C20orf203: variants seen among roughly 807,000 people sequenced by gnomAD.
C20orf203 encodes chromosome 20 open reading frame 203.
C20orf203 carries 16 observed loss-of-function variants against 15.9 expected under a neutral mutation model. The ratio of observed to expected loss-of-function variants is 1.01; its 90% CI spans 0.68 to 1.53. The LOEUF (loss-of-function observed/expected upper bound fraction) is 1.53, where lower values mean the gene tolerates loss of function less well. C20orf203 is among the 40% of genes most tolerant of loss of function. The probability of loss-of-function intolerance (pLI) is 0.00; values close to 1 mark genes in which losing one functional copy is unlikely to be tolerated. For missense variants in C20orf203, 263 were observed against 247.5 expected, an observed-to-expected ratio of 1.06 and a Z score of -0.42; for synonymous variants, 98 against 97.2, an observed-to-expected ratio of 1.01 and a Z score of -0.05.
intron 4 of C20orf203, among the ~76,000 whole-genome samples, chr20:32,646,630 GGA>G (rs1982441407): frequency 2.0e-5 from 3 of 152,220 alleles, no homozygotes; most frequent in African/African-American, 7.2e-5. Flanking sequence ...GGAAACACAA[GGA>G]ATAGGCCCCA....
At chr20:32,636,470 G>T (rs1223433723) in intron 5 of C20orf203, among the ~76,000 whole-genome samples, 1 of 152,138 alleles carries the variant, frequency 6.6e-6, no homozygotes, top group Non-Finnish European at 1.5e-5. Context: ...GGATAACCTT[G>T]CACAGCAAAG....
At chr20:32,634,640 AG>A (rs1241322202) in intron 5 of C20orf203, among the ~76,000 whole-genome samples, 5 of 152,178 alleles carry the variant, frequency 3.3e-5, no homozygotes, top group Non-Finnish European at 7.4e-5. Context: ...AGCCACGAGA[AG>A]GGGCCACACT....
At chr20:32,640,145 C>A (rs1982241815) in intron 5 of C20orf203, among the ~76,000 whole-genome samples, 1 of 152,272 alleles carries the variant, frequency 6.6e-6, no homozygotes, top group Admixed American at 6.5e-5. Flanking sequence ...AAATGAAAAG[C>A]AGTCCATAGG....
rs573055511 is a variant in C20orf203 at position 32,655,027 on chromosome 20, G to A, written c.-263-3046C>T. ...ATAAACCCTCACATTTGGTTCAGCC[G>A]CAAGAGCCGAACATATTTAATGGTG... On this transcript the variant is annotated intron_variant, in intron 1 of 5. Transcript: ENST00000608990. Among the ~76,000 whole-genome samples, 23 of 152,270 alleles carry A rather than the reference G, an allele frequency of 1.5e-4. No individual in the cohort carries two copies. In the South Asian group the frequency reaches 3.5e-3, roughly 23 times the overall value.
Position 32,650,599 on chromosome 20 carries a change from G to A in C20orf203, c.418C>T (p.Pro140Ser), listed in dbSNP as rs1374562736. 6.5e-7 allele frequency: 1 copy of A among 1,548,010 alleles called. No homozygotes were observed. Among genetic ancestry groups the A allele is most frequent in the East Asian group, 2.4e-5 (1 of 40,894 alleles). ...AAGTCCCCCACCGTGCCCATTCTGG[G>A]CATCCCTCCCATTGCCCTCCCCCGC... ...AGRGRAMGGM[P>S]RMGTVGDFGQ... Residue 140 changes from proline (P) to serine (S), a missense_variant, in exon 4 of 6, where the codon CCC (proline) becomes TCC (serine). Coordinates refer to ENST00000608990, the MANE Select transcript of C20orf203 (RefSeq NM_182584.4).
chr20:32,644,951 T>C (rs986047558), intron 4 of C20orf203, among the ~76,000 whole-genome samples: 10 of 151,772 alleles, frequency 6.6e-5, no homozygotes, highest in African/African-American at 2.4e-4. Context: ...AGGGCTAGGA[T>C]TCAAGCTCCA....
chr20:32,640,718 A>T lies in C20orf203; in HGVS notation c.*1178-31T>A, dbSNP rs372030618. 2.6e-5 allele frequency: 4 copies of T among 152,104 alleles called. No individual in the cohort carries two copies. The East Asian group carries it at 7.7e-4, about 29-fold the overall frequency. The allele number at this position is 152,104 out of a possible 1,614,324, so 9.4% of individuals were successfully genotyped here. A position where few individuals can be genotyped will look rare whatever the true frequency, so the allele number is the denominator to read the frequency against. ...TCAAAACAAAAAACAAACAAACAAA[A>T]AAAACAAAAACAACAAACTTTAGAG... On this transcript the variant is annotated intron_variant, in intron 4 of 5. Transcript: ENST00000608990.
chr20:32,672,206 G>A (rs1348770622), intron 1 of C20orf203, among the ~76,000 whole-genome samples: 1 of 151,824 alleles, frequency 6.6e-6, no homozygotes, highest in African/African-American at 2.4e-5. Context: ...AGCTATTACA[G>A]TAGCTAGCTG....
Position 32,633,897 on chromosome 20 carries a change from C to T in C20orf203, c.*1673G>A. Reference sequence around the variant, plus strand: ...TGGGGCCCCTGCTCTGAACCTTCCACCCCGTCCGCCTGGACTGGATGCTTC... The same window carrying T: ...TGGGGCCCCTGCTCTGAACCTTCCATCCCGTCCGCCTGGACTGGATGCTTC... On this transcript the variant is annotated 3_prime_UTR_variant, in exon 6 of 6. Coordinates refer to ENST00000608990, the MANE Select transcript of C20orf203 (RefSeq NM_182584.4). The T allele has an allele frequency of 1.3e-5, 5 of 397,378 alleles. No individual in the cohort carries two copies. Among genetic ancestry groups the T allele is most frequent in the Non-Finnish European group, 1.8e-5 (4 of 225,776 alleles). The allele number at this position is 397,378 out of a possible 1,614,324, so 24.6% of individuals were successfully genotyped here. A position where few individuals can be genotyped will look rare whatever the true frequency, so the allele number is the denominator to read the frequency against.
rs11313159 is a variant in C20orf203, at chr20:32,651,168, TAAAAA to T, written c.-14-7_-14-3del. 1,004 of 295,606 alleles carry T rather than the reference TAAAAA, an allele frequency of 3.4e-3. No homozygotes were observed. Among genetic ancestry groups the T allele is most frequent in the South Asian group, 4.6e-3 (32 of 6,922 alleles). 18.3% of individuals were successfully genotyped at this position (295,606 alleles called of 1,614,324 possible). ...TAGGAAACATAGGAGACCCTCTCTC[TAAAAA>T]AAAAAAAAAAAAAAAAAAAATTAGC... On this transcript the variant is annotated splice_polypyrimidine_tract_variant and splice_region_variant and intron_variant, in intron 2 of 5. Coordinates refer to ENST00000608990, the MANE Select transcript of C20orf203 (RefSeq NM_182584.4).
intron 1 of C20orf203, among the ~76,000 whole-genome samples, chr20:32,658,860 A>C (rs6141772): frequency 0.12 from 18,110 of 150,020 alleles, 1,467 homozygotes; most frequent in East Asian, 0.29. Context: ...GCGGCTTCCC[A>C]GAGACTCAGA....
intron 4 of C20orf203, among the ~76,000 whole-genome samples, chr20:32,648,607 A>ATGTTTTGT (rs58582539): frequency 2.4e-5 from 3 of 125,900 alleles, no homozygotes; most frequent in African/African-American, 2.9e-5. Flanking sequence ...AATCTGGCTA[A>ATGTTTTGT]TTTTTTTTTT....
chr20:32,638,822 G>C (rs188312489), intron 5 of C20orf203, among the ~76,000 whole-genome samples: 107 of 152,172 alleles, frequency 7.0e-4, no homozygotes, highest in Admixed American at 2.4e-3. Context: ...AAGCAGAAAG[G>C]GGGGGCGGGC....
At chr20:32,659,786 C>G (rs1157189896) in intron 1 of C20orf203, among the ~76,000 whole-genome samples, 1 of 152,276 alleles carries the variant, frequency 6.6e-6, no homozygotes, top group Non-Finnish European at 1.5e-5. Context: ...GCTGCCATAC[C>G]AGGCAGCCTC....
chr20:32,651,347 CA>C (rs35552612), intron 2 of C20orf203, among the ~76,000 whole-genome samples, 181 bp from the exon 3 acceptor site: 42 of 143,250 alleles, frequency 2.9e-4, no homozygotes, highest in Admixed American at 3.5e-4. Flanking sequence ...AAACCCTATT[CA>C]AAAAAAAAAA....
chr20:32,663,314 T>C (rs1600940054), intron 1 of C20orf203, among the ~76,000 whole-genome samples: 1 of 140,798 alleles, frequency 7.1e-6, no homozygotes, highest in South Asian at 2.2e-4. Context: ...AGAGTCAAAA[T>C]AAGAGAATGA....
At position 32,650,626 on chromosome 20, in the gene C20orf203, C is replaced by T. The variant is rs1982586998; in HGVS notation, c.391G>A (p.Gly131Arg). 1.3e-6 allele frequency: 2 copies of T among 1,547,124 alleles called. No homozygotes were observed. Among genetic ancestry groups the T allele is most frequent in the Non-Finnish European group, 1.7e-6 (2 of 1,144,132 alleles). ...EVGRGLRAPA[G>R]RGRAMGGMPR... ...ATCCCTCCCATTGCCCTCCCCCGCC[C>T]AGCAGGGGCCCGCAGCCCCCTCCCC... Residue 131 changes from glycine to arginine, a missense_variant, in exon 4 of 6, where the codon GGG becomes AGG. Physicochemically the swap from Gly to Arg is moderately radical, Grantham distance 125. Transcript: ENST00000608990.
intron 5 of C20orf203, among the ~76,000 whole-genome samples, chr20:32,636,472 A>C (rs530346824): frequency 6.6e-6 from 1 of 152,166 alleles, no homozygotes; most frequent in East Asian, 1.9e-4. Flanking sequence ...ATAACCTTGC[A>C]CAGCAAAGCG....
chr20:32,650,723 C>T lies in C20orf203; in HGVS notation c.294G>A (p.Trp98Ter). The T allele has an allele frequency of 6.5e-7, 1 of 1,545,724 alleles. No individual in the cohort carries two copies. Among genetic ancestry groups the T allele is most frequent in the Non-Finnish European group, 8.7e-7 (1 of 1,144,302 alleles). Reference sequence around the variant, plus strand: ...CTTCCCCCCACCCCTCCCCACCAACCCAAATCCTTTCCTGATAAGGGCCTG... The same window carrying T: ...CTTCCCCCCACCCCTCCCCACCAACTCAAATCCTTTCCTGATAAGGGCCTG... ...QHPGPYQERIWVGGEGWGEVG... is the reference protein window; with the variant it reads ...QHPGPYQERI The change falls in exon 4 of 6, where the codon TGG becomes TGA. Residue 98 changes from tryptophan (W) to a stop codon, truncating the protein, a stop_gained. Transcript: ENST00000608990. LOFTEE classifies it high-confidence loss of function.
Sources: allele counts gnomAD v4.1 joint callset (sites outside exome capture counted in the v4.1 genomes callset), GRCh38; gene constraint gnomAD v4.1.1; transcripts MANE v1.5; gene names NCBI Gene and HGNC (gene_info 2026-07-23, HGNC 2026-07-21).